ARL3: variants seen among roughly 807,000 people sequenced by gnomAD.
ARL3 encodes ARF like GTPase 3, also known as ADP-ribosylation factor-like protein 3.
In ARL3, 9 loss-of-function variants were observed where a neutral mutation model predicts 26.0. The observed-to-expected ratio is 0.35, with a 90% CI of 0.21 to 0.60. The LOEUF (loss-of-function observed/expected upper bound fraction) is 0.60. ARL3 is among the 20% of genes least tolerant of loss of function. The probability of loss-of-function intolerance (pLI) is 0.78; values close to 1 mark genes in which losing one functional copy is unlikely to be tolerated. For synonymous variants in ARL3, 71 were observed against 78.4 expected (o/e 0.91, Z 0.50); for missense variants, 158 against 215.7 (o/e 0.73, Z 1.67).
In ARL3 at chr10:102,705,534, T is replaced by C. The variant is rs189089176; in HGVS notation, c.4-45A>G. 2.1e-4 allele frequency: 307 copies of C among 1,486,752 alleles called. 3 individuals carry two copies. In the East Asian group the frequency reaches 7.1e-3, roughly 34 times the overall value. 92.1% of individuals were successfully genotyped at this position (1,486,752 alleles called of 1,614,324 possible). A position where few individuals can be genotyped will look rare whatever the true frequency, so the allele number is the denominator to read the frequency against. On this transcript the variant is annotated intron_variant, in intron 1 of 5. Coordinates refer to ENST00000260746, the MANE Select transcript of ARL3 (RefSeq NM_004311.4). ...GACAGATTACTCTGGGGGCACTGAC[T>C]GTGATATTAACTGGATATGAGAATA...
chr10:102,696,212 C>A (rs958657884), intron 3 of ARL3, among the ~76,000 whole-genome samples: 11 of 151,908 alleles, frequency 7.2e-5, no homozygotes, highest in Non-Finnish European at 1.5e-4. Flanking sequence ...GATCCACCCA[C>A]CTCGGCCTCC....
intron 5 of ARL3, among the ~76,000 whole-genome samples, chr10:102,685,497 C>CT (rs1221232623): frequency 6.6e-6 from 1 of 152,014 alleles, no homozygotes; most frequent in Non-Finnish European, 1.5e-5. Flanking sequence ...TTTTAGCATC[C>CT]GTAATATTAG....
At position 102,714,312 on chromosome 10, in the gene ARL3, C is replaced by T. The variant is rs2064369605; in HGVS notation, c.-37G>A. 1.5e-6 allele frequency: 2 copies of T among 1,307,906 alleles called. No individual in the cohort carries two copies. Among genetic ancestry groups the T allele is most frequent in the South Asian group, 6.5e-5 (2 of 30,808 alleles). The allele number at this position is 1,307,906 out of a possible 1,614,324, so 81.0% of individuals were successfully genotyped here. A position where few individuals can be genotyped will look rare whatever the true frequency, so the allele number is the denominator to read the frequency against. ...GTCCCTCCTCCTCCTCCTCCTCCTG[C>T]TGCCTCCCCCGTTACCAGGGGCAAC... On this transcript the variant is annotated 5_prime_UTR_variant, in exon 1 of 6. Coordinates refer to ENST00000260746, the MANE Select transcript of ARL3 (RefSeq NM_004311.4).
In ARL3 at chr10:102,689,959, A is replaced by G. The variant is rs373914954; in HGVS notation, c.265-16T>C. 7.7e-6 allele frequency: 12 copies of G among 1,563,868 alleles called. No individual in the cohort carries two copies. The highest frequency in any genetic ancestry group is 1.0e-5 in the Non-Finnish European group (12 of 1,147,016). The stretch of plus-strand genomic sequence containing the variant: ...TTACATATATCTATAAAGGAAAAGA[A>G]GAAGGTTATTTCAGTGAGCAGAGAT... On this transcript the variant is annotated splice_polypyrimidine_tract_variant and intron_variant, in intron 3 of 5. Coordinates refer to ENST00000260746, the MANE Select transcript of ARL3 (RefSeq NM_004311.4).
In ARL3 at chr10:102,680,007, A is replaced by T. The variant is rs1189444979; in HGVS notation, c.502-3066T>A. Reference sequence around the variant, plus strand: ...TGCTCTGTCGCCCAGGCTGGAGTGCAGTGGCATGATCTCGACTCGCTGCAA... The same window carrying T: ...TGCTCTGTCGCCCAGGCTGGAGTGCTGTGGCATGATCTCGACTCGCTGCAA... On this transcript the variant is annotated intron_variant, in intron 5 of 5. Coordinates refer to ENST00000260746, the MANE Select transcript of ARL3 (RefSeq NM_004311.4). Among the ~76,000 whole-genome samples the T allele has an allele frequency of 2.0e-5, 3 of 152,092 alleles. No individual in the cohort carries two copies. The East Asian group carries it at 5.8e-4, about 29-fold the overall frequency.
intron 3 of ARL3, among the ~76,000 whole-genome samples, chr10:102,696,902 T>C (rs1019578566): frequency 6.6e-6 from 1 of 152,184 alleles, no homozygotes; most frequent in Non-Finnish European, 1.5e-5. Context: ...TGTTGCTTAA[T>C]GACAGGGGCA....
rs879916814 is a variant in ARL3, at chr10:102,705,471, G to A, written c.22C>T (p.Arg8Cys). The change falls in exon 2 of 6, where the codon CGC becomes TGC. Residue 8 changes from arginine to cysteine, a missense_variant. Coordinates refer to ENST00000260746, the MANE Select transcript of ARL3 (RefSeq NM_004311.4). MGLLSIL[R>C]KLKSAPDQEV... ...TGGTCTGGTGCACTTTTCAACTTGC[G>A]CAAAATTGAGAGCAAGCCCTTCAAC... The A allele has an allele frequency of 2.1e-5, 33 of 1,597,688 alleles. No homozygotes were observed. The highest frequency in any genetic ancestry group is 2.7e-5 in the Non-Finnish European group (32 of 1,167,084).
chr10:102,685,469 A>T (rs2064178651), intron 5 of ARL3, among the ~76,000 whole-genome samples: 1 of 152,116 alleles, frequency 6.6e-6, no homozygotes, highest in Admixed American at 6.6e-5. Flanking sequence ...GGTGGCTATC[A>T]CCTTGGAAGT....
intron 2 of ARL3, among the ~76,000 whole-genome samples, chr10:102,702,321 G>T (rs556667691): frequency 1.7e-4 from 26 of 152,076 alleles, no homozygotes; most frequent in Admixed American, 1.4e-3. Flanking sequence ...TCCTAAATGT[G>T]AACAGTGGTA....
chr10:102,692,858 C>T (rs565587718), intron 3 of ARL3, among the ~76,000 whole-genome samples: 22 of 152,260 alleles, frequency 1.4e-4, no homozygotes, highest in South Asian at 4.1e-4. Flanking sequence ...TACAGGCGCC[C>T]GCCGGCACGC....
At chr10:102,685,249 CAAAA>C (rs66482677) in intron 5 of ARL3, among the ~76,000 whole-genome samples, 19,401 of 105,344 alleles carry the variant, frequency 0.18, 1,714 homozygotes, top group Middle Eastern at 0.3. Context: ...AACTCCGTCT[CAAAA>C]AAAAAAAAAA....
At chr10:102,700,780 T>C (rs1382700691) in intron 2 of ARL3, among the ~76,000 whole-genome samples, 1 of 144,912 alleles carries the variant, frequency 6.9e-6, no homozygotes, top group Non-Finnish European at 1.5e-5. Context: ...CTTTTTTTTT[T>C]TTTTTTTTTT....
At position 102,680,518 on chromosome 10, in the gene ARL3, C is replaced by A. The variant is rs577881858; in HGVS notation, c.502-3577G>T. On this transcript the variant is annotated intron_variant, in intron 5 of 5. Coordinates refer to ENST00000260746, the MANE Select transcript of ARL3 (RefSeq NM_004311.4). ...ACAATATTATTCTCCCCTATAACCA[C>A]TGGGAGAAACAGCAGGCCACCCCTA... Among the ~76,000 whole-genome samples, 5 of 152,298 alleles carry A rather than the reference C, an allele frequency of 3.3e-5. No homozygotes were observed. The South Asian group carries it at 1.0e-3, about 32-fold the overall frequency.
intron 2 of ARL3, among the ~76,000 whole-genome samples, chr10:102,704,927 T>C (rs919348996): frequency 6.6e-6 from 1 of 151,724 alleles, no homozygotes; most frequent in Non-Finnish European, 1.5e-5. Context: ...GTGGGTACTG[T>C]GAAGTGTGTC....
At chr10:102,699,119 G>GCA (rs2064264816) in intron 3 of ARL3, among the ~76,000 whole-genome samples, 1 of 152,136 alleles carries the variant, frequency 6.6e-6, no homozygotes, top group Non-Finnish European at 1.5e-5. Flanking sequence ...AATCACTATG[G>GCA]CAATTAATAA....
At position 102,674,966 on chromosome 10, in the gene ARL3, G is replaced by C. The variant is rs1224389919; in HGVS notation, c.*1928C>G. On this transcript the variant is annotated 3_prime_UTR_variant, in exon 6 of 6. Coordinates refer to ENST00000260746, the MANE Select transcript of ARL3 (RefSeq NM_004311.4). ...TCCAATGCCAAAGTTCCATACTGCAGTGTTCCAAAATTGCAGACCTCCAAG... is the reference window on the plus strand; with the variant it reads ...TCCAATGCCAAAGTTCCATACTGCACTGTTCCAAAATTGCAGACCTCCAAG... 2 of 152,240 alleles carry C rather than the reference G, an allele frequency of 1.3e-5. No homozygotes were observed. Among genetic ancestry groups the C allele is most frequent in the African/African-American group, 2.4e-5 (1 of 41,456 alleles). The allele number at this position is 152,240 out of a possible 1,614,324, so 9.4% of individuals were successfully genotyped here. A position where few individuals can be genotyped will look rare whatever the true frequency, so the allele number is the denominator to read the frequency against.
intron 1 of ARL3, among the ~76,000 whole-genome samples, chr10:102,706,848 T>G (rs1026048128): frequency 6.6e-6 from 1 of 152,192 alleles, no homozygotes; most frequent in South Asian, 2.1e-4. Flanking sequence ...ATTTTTATAT[T>G]TTTAGTAGAG....
chr10:102,703,522 C>A (rs1158580635), intron 2 of ARL3, among the ~76,000 whole-genome samples: 5 of 138,140 alleles, frequency 3.6e-5, no homozygotes, highest in African/African-American at 1.3e-4. Context: ...CGGCTCACTG[C>A]AAGCTCCACC....
intron 1 of ARL3, among the ~76,000 whole-genome samples, chr10:102,713,484 A>G (rs1483874347): frequency 1.3e-5 from 2 of 152,198 alleles, no homozygotes; most frequent in Non-Finnish European, 2.9e-5. Context: ...TGGTCCTGGT[A>G]TGGTCACACG....
Sources: gnomAD v4.1 joint callset for allele counts (sites outside exome capture counted in the v4.1 genomes callset) on GRCh38, gnomAD v4.1.1 for gene constraint, MANE v1.5 for transcripts, NCBI Gene and HGNC (gene_info 2026-07-23, HGNC 2026-07-21) for gene names.